Variants in ZSCAN9 observed in about 807,000 individuals in gnomAD.
ZSCAN9 encodes zinc finger and SCAN domain containing 9, also known as zinc finger and SCAN domain-containing protein 9.
In ZSCAN9, 19 loss-of-function variants were observed where a neutral mutation model predicts 23.0. The observed-to-expected ratio is 0.83, with a 90% confidence interval of 0.58 to 1.21. ZSCAN9 has a LOEUF of 1.21. Among genes scored for constraint, ZSCAN9 ranks in the 50% most tolerant of loss-of-function variants. The pLI, the probability that ZSCAN9 is intolerant of heterozygous loss-of-function variation, is 0.00. For missense variants in ZSCAN9, 467 were observed against 471.5 expected, an observed-to-expected ratio of 0.99 and a Z score of 0.09; for synonymous variants, 155 against 164.8, an observed-to-expected ratio of 0.94 and a Z score of 0.46.
intron 3 of ZSCAN9, chr6:28,230,536 A>G: frequency 6.6e-7 from 1 of 1,513,712 alleles, no homozygotes; most frequent in South Asian, 1.2e-5. Context: ...TATGGGAGAA[A>G]GAGGCAAATA....
At position 28,233,223 on chromosome 6, in the gene ZSCAN9, TG is replaced by T; in HGVS notation, c.*49del. 6.4e-7 allele frequency: 1 copy of T among 1,571,156 alleles called. No individual in the cohort carries two copies. Among genetic ancestry groups the T allele is most frequent in the Non-Finnish European group, 8.6e-7 (1 of 1,159,136 alleles). ...TTTCCAGATCACCACCCAAGTTGTG[TG>T]GGGCAGGTTGAGACTAGAAAATGCC... On this transcript the variant is annotated 3_prime_UTR_variant, in exon 4 of 4. Transcript: ENST00000252207.
At chr6:28,226,911 C>A in intron 1 of ZSCAN9, 101 bp from the exon 2 acceptor site, 1 of 543,444 alleles carries the variant, frequency 1.8e-6, no homozygotes, top group Non-Finnish European at 3.2e-6. Context: ...AATCACTTTT[C>A]AGAGAAGAGC....
At position 28,227,154 on chromosome 6, in the gene ZSCAN9, A is replaced by G. The variant is rs770054712; in HGVS notation, c.70A>G (p.Thr24Ala). 6.2e-7 allele frequency: 1 copy of G among 1,614,116 alleles called. No homozygotes were observed. The highest frequency in any genetic ancestry group is 2.2e-5 in the East Asian group (1 of 44,900). The change falls in exon 2 of 4, where the codon ACA becomes GCA. Residue 24 changes from threonine to alanine, a missense_variant. Transcript: ENST00000252207. ...TCCCGAGGCATGGGAAGAACTTCTG[A>G]CAATGAAAGTGGAAGCAAAAAGTCA... ...QVPEAWEELLTMKVEAKSHLQ... is the reference protein window; with the variant it reads ...QVPEAWEELLAMKVEAKSHLQ...
At position 28,227,472 on chromosome 6, in the gene ZSCAN9, C is replaced by G; in HGVS notation, c.388C>G (p.Leu130Val). The G allele has an allele frequency of 6.2e-7, 1 of 1,607,176 alleles. No individual in the cohort carries two copies. Among genetic ancestry groups the G allele is most frequent in the Non-Finnish European group, 8.5e-7 (1 of 1,176,720 alleles). The stretch of plus-strand genomic sequence containing the variant: ...AGAGGCTGTGATTTTGCTGGAGGAT[C>G]TGGAGAGAGAGCTCGATGAACCACA... The part of the protein sequence containing the change: ...GEEAVILLED[L>V]ERELDEPQHE... The change falls in exon 2 of 4, where the codon CTG becomes GTG. Residue 130 changes from leucine to valine, a missense_variant. By Grantham distance (32) the Leu-to-Val change is conservative. Transcript: ENST00000252207.
intron 3 of ZSCAN9, among the ~76,000 whole-genome samples, chr6:28,231,869 AAGT>A (rs1189575014): frequency 6.6e-6 from 1 of 152,214 alleles, no homozygotes; most frequent in African/African-American, 2.4e-5. Flanking sequence ...TGAAGCACCT[AAGT>A]AGTAGAAGTT....
chr6:28,231,533 C>T (rs1380079847), intron 3 of ZSCAN9, among the ~76,000 whole-genome samples: 1 of 152,036 alleles, frequency 6.6e-6, no homozygotes, highest in African/African-American at 2.4e-5. Flanking sequence ...GATCATGAGG[C>T]CAGGAGTTTG....
chr6:28,227,605 C>G, intron 2 of ZSCAN9, 85 bp from the exon 3 acceptor site: 1 of 1,573,134 alleles, frequency 6.4e-7, no homozygotes, highest in Non-Finnish European at 8.6e-7. Context: ...ATAAAATACT[C>G]TCTTCCTGTT....
rs766689338 is a variant in ZSCAN9 at position 28,227,449 on chromosome 6, A to G, written c.365A>G (p.Glu122Gly). Residue 122 changes from glutamate (E) to glycine (G), a missense_variant, in exon 2 of 4, where the codon GAG becomes GGG. Physicochemically the swap from Glu to Gly is moderately conservative, Grantham distance 98 (BLOSUM62 -2). Coordinates refer to ENST00000252207, the MANE Select transcript of ZSCAN9 (RefSeq NM_006299.5). Reference protein sequence around the residue: ...VREHCPESGEEAVILLEDLER... With the variant: ...VREHCPESGEGAVILLEDLER... ...GAACACTGTCCAGAGAGTGGAGAAG[A>G]GGCTGTGATTTTGCTGGAGGATCTG... The G allele has an allele frequency of 4.0e-5, 65 of 1,613,002 alleles. No individual in the cohort carries two copies. In the Admixed American group the frequency reaches 1.1e-3, roughly 27 times the overall value.
intron 3 of ZSCAN9, chr6:28,228,314 A>G: frequency 2.2e-6 from 1 of 450,358 alleles, no homozygotes; most frequent in South Asian, 3.1e-5. Flanking sequence ...ATTTTCTCAC[A>G]TTTTCAAAGG....
chr6:28,232,350 A>G (rs552345177), intron 3 of ZSCAN9, among the ~76,000 whole-genome samples: 197 of 149,970 alleles, frequency 1.3e-3, no homozygotes, highest in African/African-American at 4.6e-3. Context: ...AACAAAAAAC[A>G]ACGACTCAGG....
In ZSCAN9 at chr6:28,233,236, G is replaced by A. The variant is rs760992172; in HGVS notation, c.*58G>A. On this transcript the variant is annotated 3_prime_UTR_variant, in exon 4 of 4. Transcript: ENST00000252207. The stretch of plus-strand genomic sequence containing the variant: ...ACCCAAGTTGTGTGGGGCAGGTTGA[G>A]ACTAGAAAATGCCTCTTTCTTCCTT... The A allele has an allele frequency of 3.6e-4, 566 of 1,552,230 alleles. No homozygotes were observed. Among genetic ancestry groups the A allele is most frequent in the South Asian group, 6.5e-4 (53 of 81,294 alleles).
Position 28,232,808 on chromosome 6 carries a change from A to T in ZSCAN9, c.815A>T (p.His272Leu). 1 of 1,614,246 alleles carries T rather than the reference A, an allele frequency of 6.2e-7. No homozygotes were observed. Among genetic ancestry groups the T allele is most frequent in the Non-Finnish European group, 8.5e-7 (1 of 1,180,042 alleles). Residue 272 changes from histidine (H) to leucine (L), a missense_variant, in exon 4 of 4, where the codon CAT (histidine) becomes CTT (leucine). Coordinates refer to ENST00000252207, the MANE Select transcript of ZSCAN9 (RefSeq NM_006299.5). ...ACTCAGAGCTCAGGTCTCATTCGAC[A>T]TCAAAGAATTCATACTGGAGAAAGA... is the stretch of plus-strand genomic sequence containing the variant. ...SFTQSSGLIRHQRIHTGERPY... is the reference protein window; with the variant it reads ...SFTQSSGLIRLQRIHTGERPY...
Position 28,230,845 on chromosome 6 carries a change from GA to G in ZSCAN9, c.569-1716del, listed in dbSNP as rs1156765535. On this transcript the variant is annotated intron_variant, in intron 3 of 3. Transcript: ENST00000252207. ...GATATTAAATAGAAGAATTAAGATA[GA>G]CCTCATTGAGAAGGTGAGTTGAACA... 5.3e-5 allele frequency among the ~76,000 whole-genome samples: 8 copies of G among 152,282 alleles called. 1 individual carries two copies. The highest frequency in any genetic ancestry group is 1.9e-4 in the African/African-American group (8 of 41,558).
chr6:28,230,573 CTG>C lies in ZSCAN9; in HGVS notation c.569-1987_569-1986del, dbSNP rs147902642. On this transcript the variant is annotated intron_variant, in intron 3 of 3. Transcript: ENST00000252207. ...TTTGGTCAAAAGAGGAGGCCTGGGTCTGTTGTCCTCGGCCTTTTTCTGGGTTG... is the reference window on the plus strand; with the variant it reads ...TTTGGTCAAAAGAGGAGGCCTGGGTCTTGTCCTCGGCCTTTTTCTGGGTTG... 7.1e-3 allele frequency: 9,290 copies of C among 1,312,554 alleles called. 47 individuals carry two copies. The highest frequency in any genetic ancestry group is 8.8e-3 in the Non-Finnish European group (8,607 of 979,236). The allele number at this position is 1,312,554 out of a possible 1,614,324, so 81.3% of individuals were successfully genotyped here.
rs564197452 is a variant in ZSCAN9, at chr6:28,233,460, G to A, written c.*282G>A. ...AAACCCTTCTAATAATATAATAAATGGCACTGCCACAGCCAACATGCCTGA... is the reference window on the plus strand; with the variant it reads ...AAACCCTTCTAATAATATAATAAATAGCACTGCCACAGCCAACATGCCTGA... On this transcript the variant is annotated 3_prime_UTR_variant, in exon 4 of 4. Transcript: ENST00000252207. 7.4e-5 allele frequency: 24 copies of A among 324,588 alleles called. No homozygotes were observed. Among genetic ancestry groups the A allele is most frequent in the African/African-American group, 5.2e-4 (24 of 46,416 alleles). The allele number at this position is 324,588 out of a possible 1,614,324, so 20.1% of individuals were successfully genotyped here.
At chr6:28,230,019 G>A (rs987213136) in intron 3 of ZSCAN9, among the ~76,000 whole-genome samples, 5 of 152,024 alleles carry the variant, frequency 3.3e-5, no homozygotes, top group African/African-American at 7.2e-5. Context: ...CACCATGCCC[G>A]GCTAATGTTT....
chr6:28,229,199 G>A (rs1760212101), intron 3 of ZSCAN9: 1 of 152,190 alleles, frequency 6.6e-6, no homozygotes, highest in Non-Finnish European at 1.5e-5. Context: ...AGTAAATTCT[G>A]TGCAGACCTT....
intron 3 of ZSCAN9, among the ~76,000 whole-genome samples, chr6:28,229,408 C>T (rs34477097): frequency 0.24 from 37,243 of 152,024 alleles, 4,880 homozygotes; most frequent in African/African-American, 0.31. Flanking sequence ...TTCCAAGAAG[C>T]ACATCTATAT....
chr6:28,227,820 A>C lies in ZSCAN9; in HGVS notation c.551A>C (p.His184Pro). 6.2e-7 allele frequency: 1 copy of C among 1,613,516 alleles called. No homozygotes were observed. Among genetic ancestry groups the C allele is most frequent in the Non-Finnish European group, 8.5e-7 (1 of 1,179,848 alleles). The change falls in exon 3 of 4, where the codon CAT becomes CCT. Residue 184 changes from histidine to proline, a missense_variant. Transcript: ENST00000252207. ...QLTCDSAQKCHSIGETDEVTK... is the reference protein window; with the variant it reads ...QLTCDSAQKCPSIGETDEVTK... ...ACATGTGACTCTGCTCAGAAGTGCC[A>C]TTCTATTGGAGAGACAGGTGAGGGA...
Sources: allele counts gnomAD v4.1 joint callset (sites outside exome capture counted in the v4.1 genomes callset), GRCh38; gene constraint gnomAD v4.1.1; transcripts MANE v1.5; gene names NCBI Gene and HGNC (gene_info 2026-07-23, HGNC 2026-07-21).